Variants in ADARB2 observed in about 807,000 individuals in gnomAD.
The protein encoded by ADARB2 is adenosine deaminase RNA specific B2 (inactive).
Under a neutral mutation model 62.2 loss-of-function variants are expected in ADARB2, and 25 were observed. The ratio of observed to expected loss-of-function variants is 0.40; its 90% CI spans 0.29 to 0.56. ADARB2 has a LOEUF of 0.56. Among genes scored for constraint, ADARB2 ranks in the 20% least tolerant of loss-of-function variants. The pLI, the probability that ADARB2 is intolerant of heterozygous loss-of-function variation, is 0.43. For synonymous variants in ADARB2, 572 were observed against 500.8 expected (o/e 1.14, Z -1.90); for missense variants, 1,071 against 1,077.4 (o/e 0.99, Z 0.08).
intron 1 of ADARB2, among the ~76,000 whole-genome samples, chr10:1,679,742 C>T (rs780333253): frequency 6.6e-6 from 1 of 152,156 alleles, no homozygotes; most frequent in Non-Finnish European, 1.5e-5. Flanking sequence ...CACTGTGCCA[C>T]GATCTGTCGT....
rs1310063397 is a variant in ADARB2 at position 1,576,303 on chromosome 10, GCTCAGGGTCACAGGATGGGT to G, written c.100+160728_100+160747del. On this transcript the variant is annotated intron_variant, in intron 1 of 9. Coordinates refer to ENST00000381312, the MANE Select transcript of ADARB2 (RefSeq NM_018702.4). ...GAGGGGGCTCAGGATCACTGGAGGG[GCTCAGGGTCACAGGATGGGT>G]CTCAGGGTCACAGGATGGGTCTCAG... is the stretch of plus-strand genomic sequence containing the variant. Among the ~76,000 whole-genome samples, 64 of 151,016 alleles carry G rather than the reference GCTCAGGGTCACAGGATGGGT, an allele frequency of 4.2e-4. 1 individual carries two copies. The highest frequency in any genetic ancestry group is 6.9e-3 in the Middle Eastern group (2 of 290).
Position 1,379,060 on chromosome 10 carries a change from G to T in ADARB2, c.187+14C>A. ...AGGGGCCTTTGTGTACTTCGGGGAA[G>T]GGAAGTTGCTTACTGAGGGTGTCGT... On this transcript the variant is annotated intron_variant, in intron 2 of 9. Transcript: ENST00000381312. 6.2e-7 allele frequency: 1 copy of T among 1,606,610 alleles called. No individual in the cohort carries two copies. The highest frequency in any genetic ancestry group is 8.5e-7 in the Non-Finnish European group (1 of 1,173,266).
intron 3 of ADARB2, among the ~76,000 whole-genome samples, chr10:1,280,026 G>C (rs999288145): frequency 6.6e-6 from 1 of 152,180 alleles, no homozygotes; most frequent in Non-Finnish European, 1.5e-5. Context: ...ATGTGAATTT[G>C]GGGGAGGTCA....
intron 1 of ADARB2, among the ~76,000 whole-genome samples, chr10:1,543,175 G>A (rs11250604): frequency 0.059 from 8,998 of 152,220 alleles, 858 homozygotes; most frequent in African/African-American, 0.2. Flanking sequence ...GGATGGCGGC[G>A]TTGAGAGCCA....
chr10:1,690,606 T>G (rs1245233210), intron 1 of ADARB2, among the ~76,000 whole-genome samples: 1 of 152,124 alleles, frequency 6.6e-6, no homozygotes, highest in Non-Finnish European at 1.5e-5. Flanking sequence ...GAAAGGCAGA[T>G]AGGAGGGAAA....
At chr10:1,242,032 G>T in intron 5 of ADARB2, 99 bp downstream of exon 5, 1 of 1,290,454 alleles carries the variant, frequency 7.7e-7, no homozygotes, top group Non-Finnish European at 1.1e-6. Flanking sequence ...CCAGGATAGA[G>T]GGAAGCGTGT....
chr10:1,412,280 C>T (rs955003201), intron 1 of ADARB2, among the ~76,000 whole-genome samples: 5 of 152,064 alleles, frequency 3.3e-5, no homozygotes, highest in East Asian at 1.9e-4. Context: ...AAAAGGAAGT[C>T]GCAAACCCTG....
intron 1 of ADARB2, among the ~76,000 whole-genome samples, chr10:1,593,331 G>T (rs866215018): frequency 0.15 from 14,194 of 91,940 alleles, 1,927 homozygotes; most frequent in Middle Eastern, 0.24. Context: ...CAGCTCCCCT[G>T]GCCCAAACCA....
chr10:1,223,108 G>T (rs1023955567), intron 6 of ADARB2, among the ~76,000 whole-genome samples: 2 of 152,092 alleles, frequency 1.3e-5, no homozygotes, highest in Middle Eastern at 3.2e-3. Context: ...GTGGTTTGTA[G>T]TTCTCCTTGA....
intron 1 of ADARB2, among the ~76,000 whole-genome samples, chr10:1,718,847 G>A (rs928249770): frequency 2.6e-5 from 4 of 152,194 alleles, no homozygotes; most frequent in African/African-American, 9.7e-5. Context: ...CAAGATGAGA[G>A]ACTTTGCCTT....
At chr10:1,243,551 G>T (rs1370708633) in intron 4 of ADARB2, among the ~76,000 whole-genome samples, 1 of 152,220 alleles carries the variant, frequency 6.6e-6, no homozygotes, top group East Asian at 1.9e-4. Context: ...TAGTTCTTGA[G>T]CCCTGAGGGC....
In ADARB2 at chr10:1,491,437, C is replaced by T. The variant is rs114893081; in HGVS notation, c.101-112277G>A. Among the ~76,000 whole-genome samples the T allele has an allele frequency of 7.2e-3, 1,098 of 152,242 alleles. 16 individuals carry two copies. The highest frequency in any genetic ancestry group is 0.025 in the African/African-American group (1,051 of 41,542). On this transcript the variant is annotated intron_variant, in intron 1 of 9. Transcript: ENST00000381312. The stretch of plus-strand genomic sequence containing the variant: ...CTGGAGTTTTACAATCTTACTGACA[C>T]CTAGCATTTGTGTGCCTACAGAATG...
intron 3 of ADARB2, among the ~76,000 whole-genome samples, chr10:1,293,228 G>GGGGGAGAGGGACAGAGGGAGGTAA (rs1554752375): frequency 9.2e-6 from 1 of 108,450 alleles, no homozygotes; most frequent in Non-Finnish European, 1.9e-5. Context: ...GAGAGGGACG[G>GGGGGAGAGGGACAGAGGGAGGTAA]GGAGGGAGAG....
chr10:1,222,412 T>G (rs1830703281), intron 6 of ADARB2, among the ~76,000 whole-genome samples: 1 of 152,010 alleles, frequency 6.6e-6, no homozygotes, highest in Non-Finnish European at 1.5e-5. Flanking sequence ...AGAAGCTCTT[T>G]AGTTTAATTA....
At chr10:1,466,022 A>G (rs991218043) in intron 1 of ADARB2, among the ~76,000 whole-genome samples, 1 of 152,236 alleles carries the variant, frequency 6.6e-6, no homozygotes, top group Admixed American at 6.5e-5. Context: ...CTTTTAAACT[A>G]AGAAGACAAG....
intron 4 of ADARB2, among the ~76,000 whole-genome samples, chr10:1,263,625 A>G (rs1831165155): frequency 6.6e-6 from 1 of 152,246 alleles, no homozygotes; most frequent in South Asian, 2.1e-4. Context: ...TTGGAGTACT[A>G]GACCTTGAGA....
chr10:1,240,860 T>C (rs1424781998), intron 5 of ADARB2, among the ~76,000 whole-genome samples: 1 of 152,338 alleles, frequency 6.6e-6, no homozygotes, highest in Middle Eastern at 3.4e-3. Flanking sequence ...AATCCTTCCC[T>C]ACATTCTGAG....
intron 1 of ADARB2, among the ~76,000 whole-genome samples, chr10:1,531,671 T>C (rs1289855289): frequency 6.6e-6 from 1 of 152,102 alleles, no homozygotes; most frequent in East Asian, 1.9e-4. Flanking sequence ...ACCCTGACTC[T>C]ACTAAAAATA....
chr10:1,181,861 G>A lies in ADARB2; in HGVS notation c.*1332C>T, dbSNP rs1377819183. 2 of 152,204 alleles carry A rather than the reference G, an allele frequency of 1.3e-5. No homozygotes were observed. The highest frequency in any genetic ancestry group is 4.8e-5 in the African/African-American group (2 of 41,434). 9.4% of individuals were successfully genotyped at this position (152,204 alleles called of 1,614,324 possible). On this transcript the variant is annotated 3_prime_UTR_variant, in exon 10 of 10. Transcript: ENST00000381312. ...AGTTCTCGGAGGTGAGATGACAGCAGCTCGAGGTACATGGATTACGTAAAG... is the reference window on the plus strand; with the variant it reads ...AGTTCTCGGAGGTGAGATGACAGCAACTCGAGGTACATGGATTACGTAAAG...
Sources: allele counts gnomAD v4.1 joint callset (sites outside exome capture counted in the v4.1 genomes callset), GRCh38; gene constraint gnomAD v4.1.1; transcripts MANE v1.5; gene names NCBI Gene and HGNC (gene_info 2026-07-23, HGNC 2026-07-21).